RSRC1: variants seen among roughly 807,000 people sequenced by gnomAD.
RSRC1 encodes serine/Arginine-related protein 53.
Under a neutral mutation model 49.1 loss-of-function variants are expected in RSRC1, and 39 were observed. That is an observed-to-expected ratio of 0.79 (90% CI 0.61 to 1.04). The LOEUF (loss-of-function observed/expected upper bound fraction) is 1.04, where lower values mean the gene tolerates loss of function less well. Ranked by LOEUF, RSRC1 falls within the 50% of genes least tolerant of loss-of-function variation. The pLI is 0.00. For synonymous variants in RSRC1, 143 were observed against 130.8 expected, an observed-to-expected ratio of 1.09 and a Z score of -0.63; for missense variants, 388 against 402.4, an observed-to-expected ratio of 0.96 and a Z score of 0.31.
intron 3 of RSRC1, among the ~76,000 whole-genome samples, chr3:158,149,601 A>C (rs1045251584): frequency 6.6e-6 from 1 of 152,154 alleles, no homozygotes; most frequent in Admixed American, 6.5e-5. Flanking sequence ...ATATATTTGG[A>C]GGGAAGAGGG....
intron 6 of RSRC1, among the ~76,000 whole-genome samples, chr3:158,440,109 T>C (rs976575614): frequency 6.6e-6 from 1 of 152,112 alleles, no homozygotes; most frequent in South Asian, 2.1e-4. Flanking sequence ...GTTCTACTCA[T>C]GTGTCCCAGA....
At chr3:158,466,860 G>A (rs747040678) in intron 7 of RSRC1, among the ~76,000 whole-genome samples, 24 of 152,184 alleles carry the variant, frequency 1.6e-4, no homozygotes, top group Non-Finnish European at 3.1e-4. Context: ...CCGGGAGTTC[G>A]AGACTAGCCT....
chr3:158,478,001 T>C (rs1248367570), intron 7 of RSRC1, among the ~76,000 whole-genome samples: 2 of 151,100 alleles, frequency 1.3e-5, no homozygotes, highest in Non-Finnish European at 2.9e-5. Flanking sequence ...TTCAAAATAA[T>C]AGAGCTATGA....
chr3:158,409,189 G>A (rs536974289), intron 6 of RSRC1, among the ~76,000 whole-genome samples: 2 of 152,176 alleles, frequency 1.3e-5, no homozygotes, highest in South Asian at 2.1e-4. Flanking sequence ...TGGATACTAG[G>A]CTTAATAGGT....
intron 6 of RSRC1, among the ~76,000 whole-genome samples, chr3:158,451,045 G>T (rs1736997414): frequency 6.6e-6 from 1 of 151,620 alleles, no homozygotes; most frequent in South Asian, 2.1e-4. Context: ...AAATTTTTCT[G>T]CTTTTCTCAG....
At chr3:158,238,436 T>C (rs1723364882) in intron 4 of RSRC1, among the ~76,000 whole-genome samples, 1 of 152,280 alleles carries the variant, frequency 6.6e-6, no homozygotes, top group African/African-American at 2.4e-5. Context: ...AGAACAAAGC[T>C]GGAGGCATCA....
At chr3:158,178,399 A>C (rs923419762) in intron 3 of RSRC1, among the ~76,000 whole-genome samples, 1 of 152,162 alleles carries the variant, frequency 6.6e-6, no homozygotes, top group Non-Finnish European at 1.5e-5. Context: ...TCAGCCTCCC[A>C]GAGTGCTGGG....
intron 7 of RSRC1, among the ~76,000 whole-genome samples, chr3:158,515,066 T>C (rs1740432584): frequency 6.9e-6 from 1 of 145,708 alleles, no homozygotes. Flanking sequence ...CTTGACTCTT[T>C]ATCCAACTTG....
chr3:158,224,871 CTG>C (rs893843488), intron 4 of RSRC1, among the ~76,000 whole-genome samples: 6 of 151,840 alleles, frequency 4.0e-5, no homozygotes, highest in Admixed American at 6.6e-5. Context: ...AATATTAAAA[CTG>C]TTTTAACAAC....
At chr3:158,275,812 GTGATAACAGTGGAGC>G in intron 4 of RSRC1, 1 of 485,654 alleles carries the variant, frequency 2.1e-6, no homozygotes. Flanking sequence ...ACCTATATTA[GTGATAACAGTGGAGC>G]TGGAGAGTAT....
At chr3:158,273,672 A>G (rs1321074036) in intron 4 of RSRC1, among the ~76,000 whole-genome samples, 1 of 152,106 alleles carries the variant, frequency 6.6e-6, no homozygotes, top group African/African-American at 2.4e-5. Flanking sequence ...ATAAGGTCTG[A>G]TTAATTGGAT....
intron 4 of RSRC1, among the ~76,000 whole-genome samples, chr3:158,262,169 CAT>C (rs1289343922): frequency 1.3e-5 from 2 of 152,042 alleles, no homozygotes; most frequent in Non-Finnish European, 2.9e-5. Flanking sequence ...TTTTATAGGT[CAT>C]GTGTTTCGTG....
intron 5 of RSRC1, among the ~76,000 whole-genome samples, chr3:158,340,614 C>G (rs1157339074): frequency 6.6e-6 from 1 of 152,284 alleles, no homozygotes; most frequent in Non-Finnish European, 1.5e-5. Flanking sequence ...GAGGCCTCCC[C>G]AGCCATGTGG....
chr3:158,504,260 T>C (rs549392730), intron 7 of RSRC1, among the ~76,000 whole-genome samples: 6 of 152,312 alleles, frequency 3.9e-5, no homozygotes, highest in African/African-American at 1.4e-4. Context: ...GTCAGCTTCC[T>C]TCATTAGCTC....
chr3:158,194,670 C>T (rs1189848292), intron 3 of RSRC1, among the ~76,000 whole-genome samples: 52 of 136,012 alleles, frequency 3.8e-4, no homozygotes, highest in African/African-American at 1.0e-3. Flanking sequence ...CAACAGGCCC[C>T]GGTGTGTGAT....
intron 4 of RSRC1, among the ~76,000 whole-genome samples, chr3:158,287,698 T>C (rs1726655662): frequency 6.6e-6 from 1 of 152,202 alleles, no homozygotes; most frequent in African/African-American, 2.4e-5. Context: ...ATTTAAGCTA[T>C]ATAACAAGTC....
At chr3:158,176,880 T>C (rs1203418274) in intron 3 of RSRC1, among the ~76,000 whole-genome samples, 1 of 152,008 alleles carries the variant, frequency 6.6e-6, no homozygotes, top group Non-Finnish European at 1.5e-5. Flanking sequence ...GGGAGAAAAT[T>C]TTTGCAATCT....
intron 1 of RSRC1, among the ~76,000 whole-genome samples, chr3:158,121,187 C>T (rs182152618): frequency 6.6e-6 from 1 of 151,738 alleles, no homozygotes; most frequent in Non-Finnish European, 1.5e-5. Context: ...TGAATATATC[C>T]TTTAGAAAAA....
intron 6 of RSRC1, among the ~76,000 whole-genome samples, chr3:158,438,594 G>T (rs945353177): frequency 2.0e-5 from 3 of 152,174 alleles, no homozygotes; most frequent in African/African-American, 4.8e-5. Flanking sequence ...AATAAATGGT[G>T]CTGGGAAAAC....
Sources: gnomAD v4.1 joint callset for allele counts (sites outside exome capture counted in the v4.1 genomes callset) on GRCh38, gnomAD v4.1.1 for gene constraint, MANE v1.5 for transcripts, NCBI Gene and HGNC (gene_info 2026-07-23, HGNC 2026-07-21) for gene names.